Variants in SMAP2 observed in about 807,000 individuals in gnomAD.
The protein encoded by SMAP2 is small ArfGAP2.
SMAP2 carries 25 observed loss-of-function variants against 56.4 expected under a neutral mutation model. That is an observed-to-expected ratio of 0.44 (90% CI 0.32 to 0.62). The LOEUF is 0.62. Among genes scored for constraint, SMAP2 ranks in the 20% least tolerant of loss-of-function variants. The pLI, the probability that SMAP2 is intolerant of heterozygous loss-of-function variation, is 0.04. For missense variants in SMAP2, 388 were observed against 545.6 expected (o/e 0.71, Z 2.88); for synonymous variants, 157 against 181.7 (o/e 0.86, Z 1.09).
intron 1 of SMAP2, among the ~76,000 whole-genome samples, chr1:40,356,405 G>T (rs71518438): frequency 0.087 from 10,052 of 115,444 alleles, 377 homozygotes; most frequent in East Asian, 0.11. Flanking sequence ...TGGGTTTTTT[G>T]TTTTTTTTTG....
intron 1 of SMAP2, among the ~76,000 whole-genome samples, chr1:40,351,743 C>A (rs1644410091): frequency 6.6e-6 from 1 of 152,154 alleles, no homozygotes; most frequent in African/African-American, 2.4e-5. Context: ...CTCAGGTGAT[C>A]CACCCACCTT....
chr1:40,416,648 TTGCTG>T, intron 8 of SMAP2, 127 bp from the exon 9 acceptor site: 1 of 972,954 alleles, frequency 1.0e-6, no homozygotes, highest in African/African-American at 1.6e-5. Context: ...TCTAACTACT[TTGCTG>T]TGTAAAGAGC....
Position 40,374,664 on chromosome 1 carries a change from G to A in SMAP2, c.103+441G>A. On this transcript the variant is annotated intron_variant, in intron 1 of 9. Coordinates refer to ENST00000372718, the MANE Select transcript of SMAP2 (RefSeq NM_022733.3). The surrounding 1 kb of genome is among the most constrained non-coding windows in gnomAD (Gnocchi z 5.9). The stretch of plus-strand genomic sequence containing the variant: ...GAGAATGACGAGGAGGAGGAGGAGG[G>A]AAGTGAGATGGCGGAAAGGAAAACT... 1 of 1,549,890 alleles carries A rather than the reference G, an allele frequency of 6.5e-7. No homozygotes were observed. Among genetic ancestry groups the A allele is most frequent in the East Asian group, 2.4e-5 (1 of 40,908 alleles).
intron 9 of SMAP2, among the ~76,000 whole-genome samples, chr1:40,419,671 C>G (rs920999945): frequency 2.5e-4 from 38 of 152,176 alleles, no homozygotes; most frequent in African/African-American, 9.2e-4. Context: ...ACCAAACATA[C>G]CAGTCATACC....
At chr1:40,379,116 C>T (rs1410884830) in intron 1 of SMAP2, among the ~76,000 whole-genome samples, 1 of 151,328 alleles carries the variant, frequency 6.6e-6, no homozygotes, top group African/African-American at 2.4e-5. Flanking sequence ...AGTAGCTGGG[C>T]GCCCACCACC....
chr1:40,383,682 A>ATATGTATT (rs2124239638), intron 1 of SMAP2, among the ~76,000 whole-genome samples: 1 of 152,300 alleles, frequency 6.6e-6, no homozygotes, highest in East Asian at 1.9e-4. Flanking sequence ...CCTGTATTGA[A>ATATGTATT]TATGTATTTG....
Position 40,383,560 on chromosome 1 carries a change from C to T in SMAP2, c.103+9337C>T, listed in dbSNP as rs148177701. Among the ~76,000 whole-genome samples the T allele has an allele frequency of 9.7e-4, 147 of 152,284 alleles. 1 individual carries two copies. The highest frequency in any genetic ancestry group is 3.3e-3 in the African/African-American group (136 of 41,556). On this transcript the variant is annotated intron_variant, in intron 1 of 9. Transcript: ENST00000372718. ...GGGTTTTCCGGCAGATATAACATTG[C>T]GTGCTTCTAAAGGATCTTGACTGTT...
rs1445954417 is a variant in SMAP2, at chr1:40,422,057, G to A, written c.1246G>A (p.Gly416Arg). ...TGGACAGTCAATGAGTGGCGGAAAT[G>A]GACAGGCAGCAAATCAGACTCTCAG... ...NYGQSMSGGN[G>R]QAANQTLSPQ... Residue 416 changes from glycine to arginine, a missense_variant, in exon 10 of 10, where the codon GGA (glycine) becomes AGA (arginine). Physicochemically the swap from Gly to Arg is moderately radical, Grantham distance 125 (BLOSUM62 -2). Transcript: ENST00000372718. 6.2e-7 allele frequency: 1 copy of A among 1,614,024 alleles called. No individual in the cohort carries two copies.
At chr1:40,361,486 T>C (rs549139008) in intron 1 of SMAP2, among the ~76,000 whole-genome samples, 1 of 152,220 alleles carries the variant, frequency 6.6e-6, no homozygotes, top group African/African-American at 2.4e-5. Flanking sequence ...AAGGGAACTT[T>C]GTCCTGCAGC....
At chr1:40,356,123 T>C (rs1471391188) in intron 1 of SMAP2, among the ~76,000 whole-genome samples, 1 of 152,216 alleles carries the variant, frequency 6.6e-6, no homozygotes, top group East Asian at 1.9e-4. Context: ...ACTAACATAA[T>C]GACCTCCAGT....
intron 1 of SMAP2, among the ~76,000 whole-genome samples, chr1:40,387,640 T>A (rs768353621): frequency 6.6e-6 from 1 of 152,044 alleles, no homozygotes; most frequent in Non-Finnish European, 1.5e-5. Context: ...TTATGGGTCA[T>A]ACCACAGCAA....
intron 1 of SMAP2, among the ~76,000 whole-genome samples, chr1:40,406,331 C>T (rs1289875077): frequency 6.6e-6 from 1 of 152,168 alleles, no homozygotes; most frequent in East Asian, 1.9e-4. Flanking sequence ...CAAATGCCCA[C>T]TTATTATATA....
rs750948390 is a variant in SMAP2, at chr1:40,374,160, G to A, written c.40G>A (p.Ala14Thr). 3 of 1,613,802 alleles carry A rather than the reference G, an allele frequency of 1.9e-6. No individual in the cohort carries two copies. The South Asian group carries it at 3.3e-5, about 18-fold the overall frequency. ...GGTGAAGGACGTGGATCGGTACCAG[G>A]CTGTCCTGGCCAACCTGCTGCTGGA... ...KSVKDVDRYQ[A>T]VLANLLLEED... Residue 14 changes from alanine to threonine, a missense_variant, in exon 1 of 10, where the codon GCT (alanine) becomes ACT (threonine). Ala to Thr is a moderately conservative substitution (Grantham distance 58, BLOSUM62 0). Coordinates refer to ENST00000372718, the MANE Select transcript of SMAP2 (RefSeq NM_022733.3). This position sits in a 1 kb window ranked among gnomAD's most constrained non-coding sequence, Gnocchi z 5.9.
intron 1 of SMAP2, among the ~76,000 whole-genome samples, chr1:40,404,425 C>A (rs1403033664): frequency 6.6e-6 from 1 of 152,110 alleles, no homozygotes; most frequent in African/African-American, 2.4e-5. Context: ...TCAGAGTCAC[C>A]CCAAGGCTCC....
intron 6 of SMAP2, among the ~76,000 whole-genome samples, chr1:40,414,729 C>G (rs1206490004): frequency 6.6e-6 from 1 of 152,188 alleles, no homozygotes; most frequent in Non-Finnish European, 1.5e-5. Flanking sequence ...CTCCCTGCCC[C>G]CATTCCTTTC....
chr1:40,410,466 A>G (rs1035788492), intron 4 of SMAP2, among the ~76,000 whole-genome samples: 1 of 151,968 alleles, frequency 6.6e-6, no homozygotes, highest in Non-Finnish European at 1.5e-5. Flanking sequence ...ATATCTATCT[A>G]CATAGATATA....
intron 4 of SMAP2, among the ~76,000 whole-genome samples, chr1:40,410,693 G>T (rs1231216321): frequency 1.3e-5 from 2 of 152,088 alleles, no homozygotes; most frequent in African/African-American, 4.8e-5. Flanking sequence ...TCCTAGGCAT[G>T]TTTAGAATCT....
upstream of SMAP2, among the ~76,000 whole-genome samples, chr1:40,371,023 A>G (rs1644494055): frequency 6.6e-6 from 1 of 152,092 alleles, no homozygotes; most frequent in Non-Finnish European, 1.5e-5. Context: ...AATACAAAAA[A>G]TTAGCCAGGA....
At chr1:40,392,314 A>C (rs1459913635) in intron 1 of SMAP2, among the ~76,000 whole-genome samples, 1 of 151,852 alleles carries the variant, frequency 6.6e-6, no homozygotes, top group Non-Finnish European at 1.5e-5. Flanking sequence ...CTTTGCTGGG[A>C]TGCTCTGGGA....
Sources: allele counts gnomAD v4.1 joint callset (sites outside exome capture counted in the v4.1 genomes callset), GRCh38; gene constraint gnomAD v4.1.1; non-coding constraint Gnocchi (gnomAD v3.1); transcripts MANE v1.5; gene names NCBI Gene and HGNC (gene_info 2026-07-23, HGNC 2026-07-21).